NRXN3: variants seen among roughly 807,000 people sequenced by gnomAD.
NRXN3 encodes neurexin 3.
NRXN3 carries 32 observed loss-of-function variants against 137.6 expected under a neutral mutation model. The ratio of observed to expected loss-of-function variants is 0.23; its 90% CI spans 0.18 to 0.31. NRXN3 has a LOEUF of 0.31. Ranked by LOEUF, NRXN3 falls within the 10% of genes least tolerant of loss-of-function variation. NRXN3 has a pLI of 1.00. For synonymous variants in NRXN3, 798 were observed against 784.5 expected, an observed-to-expected ratio of 1.02 and a Z score of -0.29; for missense variants, 1,574 against 2,062.5, an observed-to-expected ratio of 0.76 and a Z score of 4.59.
intron 19 of NRXN3, among the ~76,000 whole-genome samples, chr14:79,771,460 G>A (rs1211739071): frequency 1.3e-5 from 2 of 152,074 alleles, no homozygotes; most frequent in African/African-American, 2.4e-5. Context: ...GGGATGCAAG[G>A]CTGGTTCAAT....
intron 2 of NRXN3, among the ~76,000 whole-genome samples, chr14:78,258,491 G>T (rs1349833403): frequency 6.6e-6 from 1 of 152,120 alleles, no homozygotes; most frequent in Non-Finnish European, 1.5e-5. Context: ...TGGTGGGAAA[G>T]ACTTGGATGT....
chr14:78,374,095 A>G (rs1278618412), intron 4 of NRXN3, among the ~76,000 whole-genome samples: 2 of 152,216 alleles, frequency 1.3e-5, no homozygotes, highest in Non-Finnish European at 2.9e-5. Context: ...CACTTCCCAC[A>G]TATAGATACG....
chr14:79,173,672 T>G (rs2062015506), intron 15 of NRXN3, among the ~76,000 whole-genome samples: 1 of 152,184 alleles, frequency 6.6e-6, no homozygotes. Flanking sequence ...AACTGTGGCT[T>G]GGACAAATTA....
chr14:78,988,903 C>T (rs2099512861), intron 15 of NRXN3, among the ~76,000 whole-genome samples: 1 of 152,034 alleles, frequency 6.6e-6, no homozygotes, highest in South Asian at 2.1e-4. Context: ...ACTAGTGATG[C>T]TTCTGGCTCG....
At chr14:79,718,880 T>A (rs2098832724) in intron 19 of NRXN3, among the ~76,000 whole-genome samples, 1 of 152,106 alleles carries the variant, frequency 6.6e-6, no homozygotes, top group African/African-American at 2.4e-5. Context: ...TTCCAAATGG[T>A]CTCTGTTCCT....
chr14:78,240,116 C>G (rs1231607830), intron 1 of NRXN3, among the ~76,000 whole-genome samples: 1 of 152,200 alleles, frequency 6.6e-6, no homozygotes, highest in Non-Finnish European at 1.5e-5. Flanking sequence ...GTCATGCCAA[C>G]CAGTCAAAGT....
intron 16 of NRXN3, among the ~76,000 whole-genome samples, chr14:79,497,778 T>C (rs965238644): frequency 6.6e-6 from 1 of 152,188 alleles, no homozygotes; most frequent in Non-Finnish European, 1.5e-5. Flanking sequence ...GGCTCACGCC[T>C]GTAATCCCAG....
At chr14:79,021,024 C>A (rs1298465278) in intron 15 of NRXN3, among the ~76,000 whole-genome samples, 2 of 152,094 alleles carry the variant, frequency 1.3e-5, no homozygotes, top group Non-Finnish European at 2.9e-5. Context: ...TAATACTGTG[C>A]AGTTTAGATT....
At chr14:78,494,377 A>G (rs1429725543) in intron 4 of NRXN3, among the ~76,000 whole-genome samples, 1 of 151,412 alleles carries the variant, frequency 6.6e-6, no homozygotes, top group Non-Finnish European at 1.5e-5. Flanking sequence ...TTGCTTGGGT[A>G]AAGGGAGTAA....
At chr14:78,891,113 G>C (rs1257819025) in intron 10 of NRXN3, among the ~76,000 whole-genome samples, 1 of 151,924 alleles carries the variant, frequency 6.6e-6, no homozygotes, top group Non-Finnish European at 1.5e-5. Flanking sequence ...AGACTTCTAA[G>C]CCCACATAAG....
At chr14:78,549,349 TCTC>T (rs1385156836) in intron 4 of NRXN3, among the ~76,000 whole-genome samples, 1 of 149,666 alleles carries the variant, frequency 6.7e-6, no homozygotes, top group Non-Finnish European at 1.5e-5. Flanking sequence ...TGAAGGCCCT[TCTC>T]CTTCTCTTTG....
At chr14:78,849,785 G>T (rs1458373653) in intron 10 of NRXN3, among the ~76,000 whole-genome samples, 2 of 151,996 alleles carry the variant, frequency 1.3e-5, no homozygotes, top group Non-Finnish European at 2.9e-5. Flanking sequence ...CTCTTCAAAG[G>T]GGCTTCAGAA....
chr14:79,249,675 G>A (rs953963215), intron 15 of NRXN3, among the ~76,000 whole-genome samples: 1 of 152,116 alleles, frequency 6.6e-6, no homozygotes, highest in African/African-American at 2.4e-5. Context: ...AATGCCCAAT[G>A]TTTCTCTTAT....
intron 19 of NRXN3, among the ~76,000 whole-genome samples, chr14:79,778,627 A>G (rs532959395): frequency 6.6e-6 from 1 of 152,196 alleles, no homozygotes; most frequent in South Asian, 2.1e-4. Context: ...AACCTCCTGT[A>G]TAGCCCCCTT....
chr14:78,755,607 A>T (rs760567571), intron 8 of NRXN3, among the ~76,000 whole-genome samples: 4 of 152,184 alleles, frequency 2.6e-5, no homozygotes, highest in Non-Finnish European at 5.9e-5. Flanking sequence ...TGAATTTACA[A>T]GTTTCTTCTT....
At chr14:79,222,205 T>C (rs1215082672) in intron 15 of NRXN3, among the ~76,000 whole-genome samples, 1 of 152,196 alleles carries the variant, frequency 6.6e-6, no homozygotes, top group Non-Finnish European at 1.5e-5. Flanking sequence ...CCAGCTTTGT[T>C]CTTTTTGCTT....
At position 78,957,325 on chromosome 14, in the gene NRXN3, A is replaced by T; in HGVS notation, c.2359A>T (p.Ser787Cys). The T allele has an allele frequency of 6.2e-7, 1 of 1,614,128 alleles. No homozygotes were observed. Among genetic ancestry groups the T allele is most frequent in the Non-Finnish European group, 8.5e-7 (1 of 1,180,022 alleles). ...CGTTCGGGTGGTGCGGAGAGGAAAA[A>T]GCCTTAAGTTAACCGTGGATGATGA... ...HTVRVVRRGK[S>C]LKLTVDDDVA... The change falls in exon 11 of 21, where the codon AGC (serine) becomes TGC (cysteine). Residue 787 changes from serine to cysteine, a missense_variant. This residue lies in a region of NRXN3 where 718 missense variants were observed against 887.6 expected (regional missense o/e 0.81). Transcript: ENST00000335750.
At chr14:78,926,783 AATATAT>A (rs1292155681) in intron 10 of NRXN3, among the ~76,000 whole-genome samples, 1,396 of 32,230 alleles carry the variant, frequency 0.043, 193 homozygotes, top group East Asian at 0.12. Context: ...ATATATATAA[AATATAT>A]TATATATTAT....
At chr14:79,630,275 C>T (rs1338654478) in intron 16 of NRXN3, among the ~76,000 whole-genome samples, 1 of 152,170 alleles carries the variant, frequency 6.6e-6, no homozygotes, top group African/African-American at 2.4e-5. Context: ...CATACTTGCC[C>T]CCCTCAGCAT....
Sources: gnomAD v4.1 joint callset for allele counts (sites outside exome capture counted in the v4.1 genomes callset) on GRCh38, gnomAD v4.1.1 for gene constraint, gnomAD v4.1.1 regional missense constraint, MANE v1.5 for transcripts, NCBI Gene and HGNC (gene_info 2026-07-23, HGNC 2026-07-21) for gene names.